Variants in DOCK8 observed in about 807,000 individuals in gnomAD.
The protein encoded by DOCK8 is dedicator of cytokinesis 8.
DOCK8 carries 141 observed loss-of-function variants against 245.6 expected under a neutral mutation model. The observed-to-expected ratio is 0.57, with a 90% CI of 0.50 to 0.66. DOCK8 has a LOEUF of 0.66. Ranked by LOEUF, DOCK8 falls within the 30% of genes least tolerant of loss-of-function variation. The pLI, the probability that DOCK8 is intolerant of heterozygous loss-of-function variation, is 0.00. For synonymous variants in DOCK8, 1,168 were observed against 970.2 expected (o/e 1.20, Z -3.79); for missense variants, 2,965 against 2,603.4 (o/e 1.14, Z -3.02).
chr9:427,876 C>T (rs890257290), intron 34 of DOCK8, among the ~76,000 whole-genome samples: 1 of 152,150 alleles, frequency 6.6e-6, no homozygotes, highest in African/African-American at 2.4e-5. Flanking sequence ...TCTATACTAG[C>T]CCCCAAATAT....
intron 44 of DOCK8, among the ~76,000 whole-genome samples, chr9:447,500 T>C (rs1414419742): frequency 6.6e-6 from 1 of 152,210 alleles, no homozygotes; most frequent in Admixed American, 6.5e-5. Context: ...TCTGGATGTT[T>C]ATGATGTTTT....
At chr9:221,642 T>C (rs1387764404) in intron 1 of DOCK8, among the ~76,000 whole-genome samples, 1 of 148,034 alleles carries the variant, frequency 6.8e-6, no homozygotes, top group African/African-American at 2.5e-5. Context: ...TGAAACCCCA[T>C]CTCTACTAAA....
At chr9:280,013 G>A (rs1364396913) in intron 2 of DOCK8, among the ~76,000 whole-genome samples, 1 of 152,334 alleles carries the variant, frequency 6.6e-6, no homozygotes, top group Non-Finnish European at 1.5e-5. Flanking sequence ...TAGGAGCTAT[G>A]TAGATTAATT....
intron 26 of DOCK8, among the ~76,000 whole-genome samples, chr9:403,960 G>C (rs1312654324): frequency 1.6e-4 from 11 of 67,248 alleles, no homozygotes; most frequent in African/African-American, 7.6e-4. Flanking sequence ...ATATATATAT[G>C]TATATATATA....
rs966379301 is a variant in DOCK8, at chr9:376,726, C to G, written c.2206-251C>G. ...GTATGCTTACCTGGTACGCTGACCT[C>G]TGCTTACAGAACATGTCAGAGCCAA... On this transcript the variant is annotated intron_variant, in intron 19 of 47. Coordinates refer to ENST00000432829, the MANE Select transcript of DOCK8 (RefSeq NM_203447.4). 2.6e-5 allele frequency among the ~76,000 whole-genome samples: 4 copies of G among 152,234 alleles called. No individual in the cohort carries two copies. The East Asian group carries it at 5.8e-4, about 22-fold the overall frequency.
chr9:302,636 A>G (rs991004154), intron 4 of DOCK8, among the ~76,000 whole-genome samples: 3 of 152,220 alleles, frequency 2.0e-5, no homozygotes, highest in Admixed American at 6.5e-5. Flanking sequence ...TCTATAAGGA[A>G]CTTAGATAAT....
intron 20 of DOCK8, among the ~76,000 whole-genome samples, chr9:378,268 G>A (rs1264111490): frequency 6.6e-6 from 1 of 152,210 alleles, no homozygotes; most frequent in Non-Finnish European, 1.5e-5. Context: ...TTGAAGAAGG[G>A]ATAGAGTGAA....
chr9:429,626 A>T, intron 35 of DOCK8, 76 bp from the exon 36 acceptor site: 6 of 1,555,006 alleles, frequency 3.9e-6, no homozygotes, highest in Non-Finnish European at 5.3e-6. Context: ...CCAAATGGAC[A>T]TTTGCATATT....
chr9:351,234 G>A (rs982393147), intron 14 of DOCK8, among the ~76,000 whole-genome samples: 1 of 152,194 alleles, frequency 6.6e-6, no homozygotes, highest in African/African-American at 2.4e-5. Flanking sequence ...CCAGAGAGAA[G>A]GTTTTGATGT....
intron 14 of DOCK8, chr9:340,529 G>A: frequency 1.7e-6 from 1 of 573,036 alleles, no homozygotes; most frequent in South Asian, 1.8e-5. Context: ...GCTGAGGCAG[G>A]AGAATCGCTT....
intron 5 of DOCK8, among the ~76,000 whole-genome samples, chr9:306,125 A>C (rs2049815907): frequency 6.6e-6 from 1 of 152,242 alleles, no homozygotes; most frequent in African/African-American, 2.4e-5. Context: ...AAGTTTGCAC[A>C]GAACTTCTTG....
chr9:246,297 T>G (rs2047504538), intron 1 of DOCK8, among the ~76,000 whole-genome samples: 1 of 151,992 alleles, frequency 6.6e-6, no homozygotes, highest in Non-Finnish European at 1.5e-5. Context: ...GTCTGGACAA[T>G]TCTTTGAAGC....
intron 4 of DOCK8, among the ~76,000 whole-genome samples, chr9:302,613 CTGATATCCAGAATCT>C (rs2049604828): frequency 6.6e-6 from 1 of 152,162 alleles, no homozygotes; most frequent in African/African-American, 2.4e-5. Context: ...TGAAGAATGT[CTGATATCCAGAATCT>C]ATAAGGAACT....
At chr9:445,387 T>C (rs2131835863) in intron 43 of DOCK8, among the ~76,000 whole-genome samples, 1 of 152,320 alleles carries the variant, frequency 6.6e-6, no homozygotes, top group East Asian at 1.9e-4. Flanking sequence ...TGGGTGAGTG[T>C]CCCAGCATCT....
At chr9:445,610 TC>T (rs1214799714) in intron 43 of DOCK8, among the ~76,000 whole-genome samples, 1 of 152,216 alleles carries the variant, frequency 6.6e-6, no homozygotes, top group African/African-American at 2.4e-5. Flanking sequence ...CCAAAATACT[TC>T]CCGTGCCCAT....
At chr9:302,070 G>C (rs190812867) in intron 4 of DOCK8, among the ~76,000 whole-genome samples, 1 of 151,850 alleles carries the variant, frequency 6.6e-6, no homozygotes, top group African/African-American at 2.4e-5. Context: ...GAACAAAGCC[G>C]GTGGCATCAC....
intron 14 of DOCK8, among the ~76,000 whole-genome samples, chr9:357,662 T>G (rs2052510068): frequency 6.6e-6 from 1 of 152,146 alleles, no homozygotes; most frequent in Non-Finnish European, 1.5e-5. Flanking sequence ...CAGAGTACAG[T>G]ACCAGCGTTT....
chr9:365,549 A>G, intron 14 of DOCK8: 1 of 447,522 alleles, frequency 2.2e-6, no homozygotes, highest in Non-Finnish European at 4.4e-6. Flanking sequence ...ACTGCTAGTC[A>G]TAAAACTTAT....
intron 14 of DOCK8, among the ~76,000 whole-genome samples, chr9:357,455 C>T (rs1013947602): frequency 3.3e-5 from 5 of 152,124 alleles, no homozygotes; most frequent in Non-Finnish European, 7.4e-5. Context: ...TTTTATTTCT[C>T]TCTCTCTCTC....
Sources: gnomAD v4.1 joint callset for allele counts (sites outside exome capture counted in the v4.1 genomes callset) on GRCh38, gnomAD v4.1.1 for gene constraint, MANE v1.5 for transcripts, NCBI Gene and HGNC (gene_info 2026-07-23, HGNC 2026-07-21) for gene names.